Variants in ACYP2 observed in about 807,000 individuals in gnomAD.
ACYP2 encodes the protein acylphosphatase-2.
Under a neutral mutation model 11.2 loss-of-function variants are expected in ACYP2, and 12 were observed. The observed-to-expected ratio is 1.08, with a 90% CI of 0.69 to 1.74. The LOEUF (loss-of-function observed/expected upper bound fraction) is 1.74. Ranked by LOEUF, ACYP2 falls within the 40% of genes most tolerant of loss-of-function variation. The pLI is 0.00. For missense variants in ACYP2, 134 were observed against 101.9 expected (o/e 1.31, Z -1.35); for synonymous variants, 43 against 32.2 (o/e 1.33, Z -1.13).
chr2:54,143,731 C>CG (rs1558566536), intron 6 of ACYP2, among the ~76,000 whole-genome samples: 3 of 109,288 alleles, frequency 2.7e-5, no homozygotes, highest in Non-Finnish European at 5.2e-5. Context: ...CATACCCAGC[C>CG]GGTTTTTTTT....
At chr2:54,011,403 C>T (rs1362138477) in intron 2 of ACYP2, among the ~76,000 whole-genome samples, 1 of 152,108 alleles carries the variant, frequency 6.6e-6, no homozygotes, top group Non-Finnish European at 1.5e-5. Context: ...TGTTTGATGA[C>T]ATTTCAAAAG....
At chr2:54,140,859 T>C (rs1572846211) in intron 6 of ACYP2, among the ~76,000 whole-genome samples, 1 of 152,186 alleles carries the variant, frequency 6.6e-6, no homozygotes, top group Non-Finnish European at 1.5e-5. Flanking sequence ...GGAGTGTGAT[T>C]TGTTGGTTGA....
chr2:54,282,711 T>C (rs1688902095), intron 6 of ACYP2, among the ~76,000 whole-genome samples: 1 of 152,188 alleles, frequency 6.6e-6, no homozygotes, highest in African/African-American at 2.4e-5. Context: ...TAGTGACAAT[T>C]TTTTCTGATG....
In ACYP2 at chr2:53,993,988, A is replaced by C. The variant is rs988914120; in HGVS notation, c.62+20178A>C. 2.0e-5 allele frequency among the ~76,000 whole-genome samples: 3 copies of C among 152,174 alleles called. No individual in the cohort carries two copies. The East Asian group carries it at 5.8e-4, about 29-fold the overall frequency. ...ATCACCAGGTCAAGAAGTTGAGACC[A>C]TCCTGGCTAACACAGTGAAACCCCG... On this transcript the variant is annotated intron_variant, in intron 2 of 6. Coordinates refer to ENST00000607452, the MANE Select transcript of ACYP2 (RefSeq NM_001320586.2).
chr2:54,274,625 CAAAAAAAAAAA>C (rs70944155), intron 6 of ACYP2, among the ~76,000 whole-genome samples: 4,760 of 37,980 alleles, frequency 0.13, 155 homozygotes, highest in South Asian at 0.41. Flanking sequence ...GACTCCATCT[CAAAAAAAAAAA>C]AAAAAAAAAA....
rs13417267 is a variant in ACYP2 at position 54,163,163 on chromosome 2, G to A, written c.404+24415G>A. ...AACAGTATGGATTTTGCTTGTCCCCGGATCACATTTTGAGTGGTGAGGCCA... is the reference window on the plus strand; with the variant it reads ...AACAGTATGGATTTTGCTTGTCCCCAGATCACATTTTGAGTGGTGAGGCCA... On this transcript the variant is annotated intron_variant, in intron 6 of 6. Coordinates refer to ENST00000607452, the MANE Select transcript of ACYP2 (RefSeq NM_001320586.2). Among the ~76,000 whole-genome samples, 1,074 of 152,220 alleles carry A rather than the reference G, an allele frequency of 7.1e-3. 6 individuals are homozygous for A. The highest frequency in any genetic ancestry group is 0.025 in the African/African-American group (1,036 of 41,552).
At chr2:54,121,745 G>T (rs1164845462) in intron 4 of ACYP2, among the ~76,000 whole-genome samples, 2 of 152,192 alleles carry the variant, frequency 1.3e-5, no homozygotes, top group Non-Finnish European at 2.9e-5. Context: ...TATACTTTGT[G>T]TTTATCCTTT....
intron 6 of ACYP2, among the ~76,000 whole-genome samples, chr2:54,177,616 C>T (rs1384316952): frequency 2.4e-5 from 3 of 123,458 alleles, no homozygotes; most frequent in Non-Finnish European, 4.6e-5. Context: ...CTCACTCTGT[C>T]ACCCAGGCTG....
intron 2 of ACYP2, chr2:54,030,633 C>A: frequency 5.5e-6 from 1 of 181,804 alleles, no homozygotes; most frequent in South Asian, 1.2e-4. Flanking sequence ...TCTAAACGGC[C>A]TAGAGAATAT....
chr2:54,095,391 G>A (rs952598959), intron 4 of ACYP2, among the ~76,000 whole-genome samples: 3 of 152,252 alleles, frequency 2.0e-5, no homozygotes, highest in African/African-American at 7.2e-5. Context: ...TTCTCAAGGA[G>A]CTGTTGGACA....
chr2:54,183,122 G>A (rs1028689488), intron 6 of ACYP2, among the ~76,000 whole-genome samples: 3 of 152,006 alleles, frequency 2.0e-5, no homozygotes, highest in Admixed American at 2.0e-4. Flanking sequence ...CTATATCTCC[G>A]CCTTGATAAC....
intron 6 of ACYP2, among the ~76,000 whole-genome samples, chr2:54,194,610 A>C (rs1684379296): frequency 6.6e-6 from 1 of 152,164 alleles, no homozygotes; most frequent in African/African-American, 2.4e-5. Flanking sequence ...TTGAGTAATA[A>C]GTACCATCAA....
chr2:54,017,415 T>C (rs1373900620), intron 2 of ACYP2, among the ~76,000 whole-genome samples: 2 of 151,656 alleles, frequency 1.3e-5, no homozygotes, highest in Non-Finnish European at 2.9e-5. Flanking sequence ...CCACCACGCC[T>C]GGCTAATTTT....
At chr2:54,005,174 T>C (rs1672999957) in intron 2 of ACYP2, among the ~76,000 whole-genome samples, 1 of 152,208 alleles carries the variant, frequency 6.6e-6, no homozygotes, top group South Asian at 2.1e-4. Flanking sequence ...GTGATACATT[T>C]TGAGTAAATT....
intron 2 of ACYP2, among the ~76,000 whole-genome samples, chr2:53,999,864 A>C (rs1406519193): frequency 6.6e-6 from 1 of 152,134 alleles, no homozygotes; most frequent in Non-Finnish European, 1.5e-5. Context: ...GCAAAGATTA[A>C]AACCCCATGC....
At chr2:54,165,119 C>T (rs541650596) in intron 6 of ACYP2, among the ~76,000 whole-genome samples, 7 of 152,180 alleles carry the variant, frequency 4.6e-5, no homozygotes, top group Middle Eastern at 3.4e-3. Flanking sequence ...TATTGATGGG[C>T]ATTTGGGTTG....
intron 6 of ACYP2, among the ~76,000 whole-genome samples, chr2:54,260,475 A>T (rs146164748): frequency 9.8e-5 from 15 of 152,304 alleles, no homozygotes; most frequent in African/African-American, 2.9e-4. Context: ...GTGAATAAGC[A>T]GAGTTGGATT....
chr2:54,159,816 C>G (rs1289819768), intron 6 of ACYP2, among the ~76,000 whole-genome samples: 4 of 152,152 alleles, frequency 2.6e-5, no homozygotes, highest in Admixed American at 2.0e-4. Context: ...ATTCATCTCG[C>G]AGGCTTTTCT....
intron 1 of ACYP2, among the ~76,000 whole-genome samples, chr2:53,973,393 T>G (rs1426503215): frequency 6.6e-6 from 1 of 152,164 alleles, no homozygotes. Flanking sequence ...CCTGCATGTA[T>G]ACATCCAGAT....
Sources: gnomAD v4.1 joint callset for allele counts (sites outside exome capture counted in the v4.1 genomes callset) on GRCh38, gnomAD v4.1.1 for gene constraint, MANE v1.5 for transcripts, NCBI Gene and HGNC (gene_info 2026-07-23, HGNC 2026-07-21) for gene names.